SULT1A1: variants seen among roughly 807,000 people sequenced by gnomAD.
SULT1A1 encodes sulfotransferase 1A1.
In SULT1A1, 35 loss-of-function variants were observed where a neutral mutation model predicts 36.8. That is an observed-to-expected ratio of 0.95 (90% CI 0.73 to 1.26). The LOEUF (loss-of-function observed/expected upper bound fraction) is 1.26, where lower values mean the gene tolerates loss of function less well. Ranked by LOEUF, SULT1A1 falls within the 50% of genes most tolerant of loss-of-function variation. SULT1A1 has a pLI of 0.00. For synonymous variants in SULT1A1, 119 were observed against 146.0 expected (o/e 0.82, Z 1.33); for missense variants, 309 against 383.0 (o/e 0.81, Z 1.61).
chr16:28,610,256 T>TTTTTC, upstream of SULT1A1: 3 of 1,138,832 alleles, frequency 2.6e-6, no homozygotes, highest in Non-Finnish European at 2.3e-6. Context: ...TGTAGGTTTT[T>TTTTTC]TTTTTCTGTT....
Position 28,609,942 on chromosome 16 carries a change from G to C in SULT1A1, c.-16C>G. On this transcript the variant is annotated 5_prime_UTR_variant, in exon 1 of 8. Transcript: ENST00000314752. ...ACTGTGTCACTCACCTGAGCTCTTG[G>C]GAACCTGGCCTCGTGCCCTCCTCGC... The C allele has an allele frequency of 3.9e-6, 5 of 1,287,606 alleles. No homozygotes were observed. Among genetic ancestry groups the C allele is most frequent in the Non-Finnish European group, 4.1e-6 (4 of 987,228 alleles). 79.8% of individuals were successfully genotyped at this position (1,287,606 alleles called of 1,614,324 possible).
In SULT1A1 at chr16:28,618,439, G is replaced by A. The variant is rs1210316673; in HGVS notation, c.138+1624C>T. On this transcript the variant is annotated intron_variant, in intron 2 of 5. Coordinates refer to the SULT1A1 transcript ENST00000350842. Reference sequence around the variant, plus strand: ...CGGCTTAGTGCAACCTCCGCCTTCCGGGTTCAAGTGATTCTCCTGCCTCAG... The same window carrying A: ...CGGCTTAGTGCAACCTCCGCCTTCCAGGTTCAAGTGATTCTCCTGCCTCAG... Among the ~76,000 whole-genome samples, 8 of 141,656 alleles carry A rather than the reference G, an allele frequency of 5.6e-5. No individual in the cohort carries two copies. The South Asian group carries it at 1.4e-3, about 24-fold the overall frequency. 92.9% of individuals were successfully genotyped at this position (141,656 alleles called of 152,430 possible).
chr16:28,618,001 C>T (rs1435580346), intron 2 of SULT1A1, among the ~76,000 whole-genome samples: 2 of 151,590 alleles, frequency 1.3e-5, no homozygotes, highest in East Asian at 3.9e-4. Context: ...TTTACAAATC[C>T]CTGCCTGAAG....
At chr16:28,615,186 T>G (rs1410813338) in intron 2 of SULT1A1, among the ~76,000 whole-genome samples, 2 of 109,702 alleles carry the variant, frequency 1.8e-5, no homozygotes, top group African/African-American at 6.2e-5. Flanking sequence ...GCTTCTCATC[T>G]GCACAGCAGG....
rs1384586714 is a variant in SULT1A1, at chr16:28,606,946, C to T, written c.499+5G>A. Reference sequence around the variant, plus strand: ...CCACACTTTCCTTCCTCCCATCAAACCCACCTTCTCCGACCATGAACTTCT... The same window carrying T: ...CCACACTTTCCTTCCTCCCATCAAATCCACCTTCTCCGACCATGAACTTCT... On this transcript the variant is annotated splice_donor_5th_base_variant and intron_variant, in intron 5 of 7. Coordinates refer to ENST00000314752, the MANE Select transcript of SULT1A1 (RefSeq NM_001055.4). The T allele has an allele frequency of 2.5e-6, 4 of 1,612,498 alleles. No individual in the cohort carries two copies. In the South Asian group the frequency reaches 4.4e-5, roughly 18 times the overall value.
chr16:28,607,183 C>A, intron 4 of SULT1A1, 106 bp from the exon 5 acceptor site: 3 of 1,558,106 alleles, frequency 1.9e-6, no homozygotes, highest in Non-Finnish European at 2.6e-6. Flanking sequence ...TAGAGGCTGA[C>A]TTGTTTGAGA....
At chr16:28,621,963 C>A (rs1401067390) in intron 1 of SULT1A1, among the ~76,000 whole-genome samples, 1 of 152,170 alleles carries the variant, frequency 6.6e-6, no homozygotes, top group Non-Finnish European at 1.5e-5. Flanking sequence ...AATGAGGTCA[C>A]CCTGTTTGTT....
At position 28,605,533 on chromosome 16, in the gene SULT1A1, A is replaced by G. The variant is rs897347363; in HGVS notation, c.*288T>C. On this transcript the variant is annotated 3_prime_UTR_variant, in exon 8 of 8. Coordinates refer to ENST00000314752, the MANE Select transcript of SULT1A1 (RefSeq NM_001055.4). ...GTGATCCTCTAGCCTCAACTTCTCA[A>G]ATTGCTGGGATTACAGGCATGAGCC... 7 of 525,024 alleles carry G rather than the reference A, an allele frequency of 1.3e-5. No individual in the cohort carries two copies. The highest frequency in any genetic ancestry group is 1.1e-4 in the African/African-American group (6 of 53,630). The allele number at this position is 525,024 out of a possible 1,614,324, so 32.5% of individuals were successfully genotyped here.
chr16:28,619,796 T>C (rs1486859961), intron 2 of SULT1A1, among the ~76,000 whole-genome samples: 2 of 151,144 alleles, frequency 1.3e-5, no homozygotes, highest in African/African-American at 2.4e-5. Context: ...AATCCTGATA[T>C]GATTATACAA....
chr16:28,621,506 A>AAAAAAAAAG (rs1555485637), intron 1 of SULT1A1, among the ~76,000 whole-genome samples: 13 of 42,450 alleles, frequency 3.1e-4, no homozygotes, highest in East Asian at 9.9e-4. Flanking sequence ...AAAAAAAAAA[A>AAAAAAAAAG]AAGAAGAAGA....
At chr16:28,609,032 T>C in intron 1 of SULT1A1, 173 bp from the exon 2 acceptor site, 2 of 1,508,204 alleles carry the variant, frequency 1.3e-6, no homozygotes, top group Non-Finnish European at 1.8e-6. Flanking sequence ...CGGGCTCTAA[T>C]GCGGTGGTTC....
At chr16:28,608,096 T>C in intron 4 of SULT1A1, 195 bp downstream of exon 4, 2 of 777,808 alleles carry the variant, frequency 2.6e-6, no homozygotes, top group South Asian at 1.9e-5. Context: ...CAAGTGATTC[T>C]CCTGTCTCAG....
At chr16:28,620,258 T>C in intron 1 of SULT1A1, 1 of 909,768 alleles carries the variant, frequency 1.1e-6, no homozygotes. Context: ...TATGACCCTC[T>C]GATCCTACAG....
intron 2 of SULT1A1, chr16:28,619,993 T>TTGTGTGTGTG (rs113783918): frequency 1.3e-4 from 145 of 1,120,368 alleles, no homozygotes; most frequent in East Asian, 5.0e-4. Context: ...GTATTGTATA[T>TTGTGTGTGTG]TGTGTGTGTG....
chr16:28,623,100 C>CG, intron 1 of SULT1A1: 3 of 1,452,312 alleles, frequency 2.1e-6, no homozygotes, highest in Non-Finnish European at 2.8e-6. Context: ...ATACTGGTCC[C>CG]ACCCCCCAGG....
intron 4 of SULT1A1, 34 bp from the exon 5 acceptor site, chr16:28,607,111 C>T (rs1168475825): frequency 8.1e-6 from 13 of 1,610,090 alleles, no homozygotes; most frequent in Non-Finnish European, 1.1e-5. Context: ...CCAGCACCAT[C>T]ACCACACAGC....
At chr16:28,618,792 C>T (rs967118360) in intron 2 of SULT1A1, among the ~76,000 whole-genome samples, 5 of 152,114 alleles carry the variant, frequency 3.3e-5, no homozygotes, top group Admixed American at 2.0e-4. Flanking sequence ...ACCAGGACTC[C>T]GCAGAATGCT....
chr16:28,606,425 A>G (rs1393731586), intron 6 of SULT1A1, among the ~76,000 whole-genome samples, 189 bp from the exon 7 acceptor site: 3 of 151,866 alleles, frequency 2.0e-5, no homozygotes, highest in African/African-American at 7.2e-5. Context: ...TGATCCCATC[A>G]TGAGCTGGGC....
At chr16:28,619,243 C>T (rs2047604387) in intron 2 of SULT1A1, among the ~76,000 whole-genome samples, 1 of 152,022 alleles carries the variant, frequency 6.6e-6, no homozygotes, top group South Asian at 2.1e-4. Context: ...AAACTCCTGA[C>T]ATCAAGTGAT....
Sources: gnomAD v4.1 joint callset for allele counts (sites outside exome capture counted in the v4.1 genomes callset) on GRCh38, gnomAD v4.1.1 for gene constraint, MANE v1.5 for transcripts, NCBI Gene and HGNC (gene_info 2026-07-23, HGNC 2026-07-21) for gene names.